Variants in TAF1D observed in about 807,000 individuals in gnomAD.
TAF1D encodes the protein TATA box-binding protein-associated factor RNA polymerase I subunit D.
A neutral mutation model predicts 26.2 loss-of-function variants in TAF1D; 23 were observed. The ratio of observed to expected loss-of-function variants is 0.88; its 90% CI spans 0.63 to 1.25. The LOEUF (loss-of-function observed/expected upper bound fraction) is 1.25, where lower values mean the gene tolerates loss of function less well. Ranked by LOEUF, TAF1D falls within the 50% of genes most tolerant of loss-of-function variation. The pLI, the probability that TAF1D is intolerant of heterozygous loss-of-function variation, is 0.00. For synonymous variants in TAF1D, 100 were observed against 105.6 expected, an observed-to-expected ratio of 0.95 and a Z score of 0.33; for missense variants, 299 against 322.0, an observed-to-expected ratio of 0.93 and a Z score of 0.55.
chr11:93,733,523 CCA>C (rs767333689), downstream of TAF1D: 9 of 518,818 alleles, frequency 1.7e-5, no homozygotes, highest in African/African-American at 9.6e-5. Flanking sequence ...TAAAGTAAAA[CCA>C]CAGAGTTACT....
At chr11:93,736,562 A>G in intron 5 of TAF1D, 132 bp downstream of exon 5, 1 of 1,430,102 alleles carries the variant, frequency 7.0e-7, no homozygotes, top group Non-Finnish European at 9.1e-7. Flanking sequence ...TCCTTCTTGC[A>G]TTTCCTGCAG....
intron 2 of TAF1D, chr11:93,739,010 A>G (rs1013100094): frequency 2.0e-5 from 11 of 537,494 alleles, no homozygotes; most frequent in Admixed American, 7.3e-5. Context: ...ATATGACCCA[A>G]AGAATACATT....
chr11:93,736,983 T>C (rs1940933648), intron 4 of TAF1D, 81 bp downstream of exon 4: 1 of 1,301,428 alleles, frequency 7.7e-7, no homozygotes, highest in African/African-American at 1.5e-5. Flanking sequence ...TATAACTATA[T>C]TAAAGGCAAA....
In TAF1D at chr11:93,735,819, A is replaced by G. The variant is rs1173954425; in HGVS notation, c.*342T>C. Reference sequence around the variant, plus strand: ...CCCTCTTCAAGATGGTTGGGTGTCAAGTTACTTTAAGATTTTCTTTTCAAA... The same window carrying G: ...CCCTCTTCAAGATGGTTGGGTGTCAGGTTACTTTAAGATTTTCTTTTCAAA... On this transcript the variant is annotated 3_prime_UTR_variant, in exon 6 of 6. Transcript: ENST00000448108. 29 of 1,067,970 alleles carry G rather than the reference A, an allele frequency of 2.7e-5. No homozygotes were observed. Among genetic ancestry groups the G allele is most frequent in the Admixed American group, 5.0e-5 (1 of 20,062 alleles). The allele number at this position is 1,067,970 out of a possible 1,614,324, so 66.2% of individuals were successfully genotyped here.
At chr11:93,735,458 G>A (rs936745052), downstream of TAF1D, 19 of 529,000 alleles carry the variant, frequency 3.6e-5, no homozygotes, top group Admixed American at 9.5e-4. Context: ...CAAGGCAGGC[G>A]GATCGCCTGA....
At chr11:93,738,582 C>T in intron 2 of TAF1D, 83 bp from the exon 3 acceptor site, 1 of 1,352,456 alleles carries the variant, frequency 7.4e-7, no homozygotes, top group Non-Finnish European at 9.8e-7. Context: ...ATGTACATTT[C>T]TTCCAAGACC....
downstream of TAF1D, chr11:93,735,306 A>G (rs1940522036): frequency 8.1e-7 from 1 of 1,239,688 alleles, no homozygotes. Flanking sequence ...ACATCGGGGT[A>G]ATGACTGGTT....
chr11:93,730,371 A>C (rs1938289150), exon 12 of TAF1D: 1 of 951,872 alleles, frequency 1.1e-6, no homozygotes, highest in African/African-American at 1.6e-5. Context: ...CCATGTTGTG[A>C]TTTCTTCCAC....
At chr11:93,737,386 C>T in intron 3 of TAF1D, 147 bp from the exon 4 acceptor site, 1 of 486,722 alleles carries the variant, frequency 2.1e-6, no homozygotes, top group Non-Finnish European at 3.6e-6. Context: ...TTATCAAATG[C>T]TGATTATTAA....
downstream of TAF1D, chr11:93,735,020 T>C: frequency 8.1e-7 from 1 of 1,238,010 alleles, no homozygotes; most frequent in Non-Finnish European, 1.0e-6. Flanking sequence ...CACCTTGGTG[T>C]GGGGATTGCA....
downstream of TAF1D, chr11:93,734,886 T>A (rs1294399414): frequency 1.3e-6 from 1 of 776,270 alleles, no homozygotes; most frequent in Non-Finnish European, 1.8e-6. Flanking sequence ...CTCCCCCCTT[T>A]CTGAGTAACT....
downstream of TAF1D, chr11:93,734,791 TAA>T (rs1940324674): frequency 5.5e-5 from 68 of 1,246,090 alleles, 1 homozygote; most frequent in South Asian, 8.9e-4. Flanking sequence ...CTTTTTTTCT[TAA>T]GAGACAGGGT....
At chr11:93,735,229 T>C (rs931750874), downstream of TAF1D, 1 of 1,350,514 alleles carries the variant, frequency 7.4e-7, no homozygotes, top group Non-Finnish European at 9.8e-7. Flanking sequence ...AAAACATACA[T>C]AAGTGCAGTC....
At chr11:93,740,762 G>GC (rs1380872419) in intron 1 of TAF1D, among the ~76,000 whole-genome samples, 1 of 152,066 alleles carries the variant, frequency 6.6e-6, no homozygotes, top group Non-Finnish European at 1.5e-5. Flanking sequence ...ACAAAAATTT[G>GC]CCCCCATGCT....
At chr11:93,731,371 A>G (rs1938707672), downstream of TAF1D, 2 of 379,232 alleles carry the variant, frequency 5.3e-6, no homozygotes, top group Admixed American at 6.9e-5. Flanking sequence ...ATTTAAACTA[A>G]TAGGTATTTT....
chr11:93,741,269 A>G (rs532305822), intron 1 of TAF1D, 53 bp downstream of exon 1: 1 of 454,624 alleles, frequency 2.2e-6, no homozygotes. Flanking sequence ...CCAGATATGC[A>G]ACGCCTCCCC....
downstream of TAF1D, chr11:93,732,160 T>C (rs1324078878): frequency 1.9e-6 from 1 of 515,220 alleles, no homozygotes; most frequent in Non-Finnish European, 3.9e-6. Context: ...AGCTTAGTAG[T>C]GTATTTGTAC....
At chr11:93,732,929 C>G (rs1421338669), downstream of TAF1D, 1 of 265,720 alleles carries the variant, frequency 3.8e-6, no homozygotes. Context: ...TATAGACATG[C>G]AGTCTCTTCA....
At chr11:93,735,193 C>A (rs191868253), downstream of TAF1D, 2 of 1,352,032 alleles carry the variant, frequency 1.5e-6, no homozygotes, top group Middle Eastern at 2.1e-4. Flanking sequence ...TTGCACCTAT[C>A]TGTAAGTCTT....
Sources: gnomAD v4.1 joint callset for allele counts (sites outside exome capture counted in the v4.1 genomes callset) on GRCh38, gnomAD v4.1.1 for gene constraint, MANE v1.5 for transcripts, NCBI Gene and HGNC (gene_info 2026-07-23, HGNC 2026-07-21) for gene names.